CD47: variants seen among roughly 807,000 people sequenced by gnomAD.
The protein encoded by CD47 is CD47 molecule, also known as leukocyte surface antigen CD47.
In CD47, 11 loss-of-function variants were observed where a neutral mutation model predicts 44.6. The ratio of observed to expected loss-of-function variants is 0.25; its 90% CI spans 0.16 to 0.41. The LOEUF (loss-of-function observed/expected upper bound fraction) is 0.41, where lower values mean the gene tolerates loss of function less well. Ranked by LOEUF, CD47 falls within the 10% of genes least tolerant of loss-of-function variation. The probability of loss-of-function intolerance (pLI) is 1.00; values close to 1 mark genes in which losing one functional copy is unlikely to be tolerated. For missense variants in CD47, 306 were observed against 386.7 expected, an observed-to-expected ratio of 0.79 and a Z score of 1.75; for synonymous variants, 140 against 136.3, an observed-to-expected ratio of 1.03 and a Z score of -0.19.
At chr3:108,062,283 A>G (rs1257190680) in intron 3 of CD47, among the ~76,000 whole-genome samples, 1 of 152,190 alleles carries the variant, frequency 6.6e-6, no homozygotes, top group Admixed American at 6.5e-5. Flanking sequence ...CAGAGTTTTC[A>G]TAACTTCCCT....
intron 2 of CD47, among the ~76,000 whole-genome samples, chr3:108,072,465 T>C (rs973897054): frequency 1.3e-5 from 2 of 152,240 alleles, no homozygotes; most frequent in East Asian, 3.8e-4. Context: ...AGATATTAGC[T>C]TTTCAGAATC....
chr3:108,072,186 C>A (rs2079215743), intron 2 of CD47, among the ~76,000 whole-genome samples: 1 of 152,172 alleles, frequency 6.6e-6, no homozygotes, highest in African/African-American at 2.4e-5. Flanking sequence ...TGAAAGTATT[C>A]CGGAGTTTGC....
chr3:108,062,711 C>G (rs1206324064), intron 3 of CD47, among the ~76,000 whole-genome samples: 2 of 150,532 alleles, frequency 1.3e-5, no homozygotes, highest in Non-Finnish European at 3.0e-5. Flanking sequence ...GGCACAATCT[C>G]GGCTCACTGC....
At chr3:108,055,491 A>C (rs541756642) in intron 7 of CD47, 1 of 1,226,238 alleles carries the variant, frequency 8.2e-7, no homozygotes, top group African/African-American at 1.6e-5. Flanking sequence ...CTAGTCTACC[A>C]TGTTATCTAA....
intron 1 of CD47, among the ~76,000 whole-genome samples, chr3:108,086,636 A>G (rs1380499743): frequency 2.0e-5 from 3 of 152,198 alleles, no homozygotes; most frequent in Non-Finnish European, 2.9e-5. Context: ...AGTGGCAGTG[A>G]TTCTTTTACA....
chr3:108,060,545 G>T (rs899786241), intron 4 of CD47, among the ~76,000 whole-genome samples, 200 bp downstream of exon 4: 2 of 152,214 alleles, frequency 1.3e-5, no homozygotes, highest in East Asian at 3.8e-4. Flanking sequence ...CTTCCATACA[G>T]CCTTGAGAGG....
At chr3:108,066,445 T>C (rs1224161705) in intron 3 of CD47, among the ~76,000 whole-genome samples, 2 of 152,232 alleles carry the variant, frequency 1.3e-5, no homozygotes, top group Non-Finnish European at 2.9e-5. Context: ...TTCACTGCTA[T>C]TTCTTCAGTT....
chr3:108,054,038 T>G (rs1449144864), intron 7 of CD47: 1 of 152,142 alleles, frequency 6.6e-6, no homozygotes, highest in Non-Finnish European at 1.5e-5. Context: ...AATATGGAAG[T>G]TCAGAGATAA....
intron 7 of CD47, chr3:108,055,395 T>TA (rs1034506006): frequency 2.6e-6 from 1 of 388,576 alleles, no homozygotes; most frequent in Admixed American, 4.4e-5. Context: ...CTTCCTAATA[T>TA]AAACGCTCAA....
Position 108,058,719 on chromosome 3 carries a change from A to G in CD47, c.692-290T>C, listed in dbSNP as rs185304756. ...TTTTACCACACTTGTGCATTTTACA[A>G]TATGAATGGCTATTATGAATGTCTT... On this transcript the variant is annotated intron_variant, in intron 5 of 10. Coordinates refer to ENST00000361309, the MANE Select transcript of CD47 (RefSeq NM_001777.4). Among the ~76,000 whole-genome samples the G allele has an allele frequency of 6.4e-4, 97 of 152,346 alleles. No individual in the cohort carries two copies. The East Asian group carries it at 0.01, about 16-fold the overall frequency.
chr3:108,091,000 G>T lies in CD47; in HGVS notation c.-92C>A. 1 of 902,520 alleles carries T rather than the reference G, an allele frequency of 1.1e-6. No homozygotes were observed. The highest frequency in any genetic ancestry group is 1.5e-6 in the Non-Finnish European group (1 of 659,828). 55.9% of individuals were successfully genotyped at this position (902,520 alleles called of 1,614,324 possible). ...TACAGGCAGGACCGACCGCCGCCGC[G>T]CGTCACAGGCAGGACCCACTGCCCA... is the stretch of plus-strand genomic sequence containing the variant. On this transcript the variant is annotated 5_prime_UTR_variant, in exon 1 of 11. Transcript: ENST00000361309.
intron 5 of CD47, 30 bp downstream of exon 5, chr3:108,059,422 C>CA (rs1271705880): frequency 2.7e-6 from 3 of 1,121,332 alleles, no homozygotes; most frequent in East Asian, 5.6e-5. Flanking sequence ...AAAAGGTAGA[C>CA]AAAATCATAC....
chr3:108,043,272 A>G lies in CD47; in HGVS notation c.*4016T>C, dbSNP rs1013058506. 1.3e-5 allele frequency: 2 copies of G among 152,598 alleles called. No individual in the cohort carries two copies. The highest frequency in any genetic ancestry group is 4.8e-5 in the African/African-American group (2 of 41,450). The allele number at this position is 152,598 out of a possible 1,614,324, so 9.5% of individuals were successfully genotyped here. A position where few individuals can be genotyped will look rare whatever the true frequency, so the allele number is the denominator to read the frequency against. On this transcript the variant is annotated 3_prime_UTR_variant, in exon 11 of 11. Coordinates refer to ENST00000361309, the MANE Select transcript of CD47 (RefSeq NM_001777.4). Reference sequence around the variant, plus strand: ...CAGAAATGTGCTTGTGGTCTGCTGTAGCAGCAATAGAAATAGCCCAACAAA... The same window carrying G: ...CAGAAATGTGCTTGTGGTCTGCTGTGGCAGCAATAGAAATAGCCCAACAAA...
intron 3 of CD47, 56 bp from the exon 4 acceptor site, chr3:108,060,908 A>G: frequency 8.7e-7 from 1 of 1,148,016 alleles, no homozygotes; most frequent in Non-Finnish European, 1.3e-6. Context: ...AAGCCATTTT[A>G]ATAACTTGTA....
chr3:108,080,032 G>A lies in CD47; in HGVS notation c.359C>T (p.Thr120Ile). Reference protein sequence around the residue: ...GNYTCEVTELTREGETIIELK... With the variant: ...GNYTCEVTELIREGETIIELK... ...CTCGATGATCGTTTCACCTTCTCTG[G>A]TTAATTCTGTTACTTCACAAGTGTA... Residue 120 changes from threonine to isoleucine, a missense_variant, in exon 2 of 11, where the codon ACC becomes ATC. Thr to Ile is a moderately conservative substitution (Grantham distance 89). Coordinates refer to ENST00000361309, the MANE Select transcript of CD47 (RefSeq NM_001777.4). 1 of 1,612,274 alleles carries A rather than the reference G, an allele frequency of 6.2e-7. No homozygotes were observed. The highest frequency in any genetic ancestry group is 8.5e-7 in the Non-Finnish European group (1 of 1,178,880).
In CD47 at chr3:108,090,972, C is replaced by A. The variant is rs528449693; in HGVS notation, c.-64G>T. ...TGTCCGGAGCAGCAGCCGCCGCCGC[C>A]GTTACAGGCAGGACCGACCGCCGCC... On this transcript the variant is annotated 5_prime_UTR_variant, in exon 1 of 11. Coordinates refer to ENST00000361309, the MANE Select transcript of CD47 (RefSeq NM_001777.4). The A allele has an allele frequency of 4.7e-6, 6 of 1,267,668 alleles. No individual in the cohort carries two copies. The East Asian group carries it at 1.3e-4, about 27-fold the overall frequency. The allele number at this position is 1,267,668 out of a possible 1,614,324, so 78.5% of individuals were successfully genotyped here. A position where few individuals can be genotyped will look rare whatever the true frequency, so the allele number is the denominator to read the frequency against.
In CD47 at chr3:108,090,864, G is replaced by A; in HGVS notation, c.45C>T (p.Cys15=). The A allele has an allele frequency of 6.7e-7, 1 of 1,491,292 alleles. No individual in the cohort carries two copies. 92.4% of individuals were successfully genotyped at this position (1,491,292 alleles called of 1,614,324 possible). The change falls in exon 1 of 11, where the codon TGC becomes TGT. Residue 15 remains cysteine, a splice_region_variant and synonymous_variant. Transcript: ENST00000361309. Reference sequence around the variant, plus strand: ...GGCTGGGAGCGAGGAGCCACTCACCGCAGCACGCCGAGCCCAGCAACAGCG... The same window carrying A: ...GGCTGGGAGCGAGGAGCCACTCACCACAGCACGCCGAGCCCAGCAACAGCG... ...VAALLLGSAC[C]GSAQLLFNKT...
intron 7 of CD47, chr3:108,055,565 C>T: frequency 3.8e-6 from 5 of 1,302,758 alleles, no homozygotes; most frequent in Non-Finnish European, 5.1e-6. Context: ...TCCCTCTGAA[C>T]CCTGGCATCA....
intron 4 of CD47, among the ~76,000 whole-genome samples, 169 bp downstream of exon 4, chr3:108,060,576 C>G (rs1351605720): frequency 6.6e-6 from 1 of 152,170 alleles, no homozygotes; most frequent in South Asian, 2.1e-4. Flanking sequence ...CTGATGACGT[C>G]CTGATTTCAG....
Sources: allele counts gnomAD v4.1 joint callset (sites outside exome capture counted in the v4.1 genomes callset), GRCh38; gene constraint gnomAD v4.1.1; transcripts MANE v1.5; gene names NCBI Gene and HGNC (gene_info 2026-07-23, HGNC 2026-07-21).